MYO5B: variants seen among roughly 807,000 people sequenced by gnomAD.
MYO5B encodes the protein unconventional myosin-Vb.
In MYO5B, 143 loss-of-function variants were observed where a neutral mutation model predicts 229.3. The ratio of observed to expected loss-of-function variants is 0.62; its 90% CI spans 0.54 to 0.72. The LOEUF is 0.72. Ranked by LOEUF, MYO5B falls within the 30% of genes least tolerant of loss-of-function variation. The probability of loss-of-function intolerance (pLI) is 0.00; values close to 1 mark genes in which losing one functional copy is unlikely to be tolerated. For missense variants in MYO5B, 2,321 were observed against 2,331.0 expected, an observed-to-expected ratio of 1.00 and a Z score of 0.09; for synonymous variants, 918 against 885.2, an observed-to-expected ratio of 1.04 and a Z score of -0.66.
At chr18:50,127,429 G>A (rs1340526238) in intron 1 of MYO5B, among the ~76,000 whole-genome samples, 4 of 152,186 alleles carry the variant, frequency 2.6e-5, no homozygotes, top group African/African-American at 7.2e-5. Flanking sequence ...AACAGATGCA[G>A]TGCTCTACAT....
chr18:49,827,342 C>A (rs562703340), intron 39 of MYO5B, among the ~76,000 whole-genome samples: 17 of 152,318 alleles, frequency 1.1e-4, no homozygotes, highest in African/African-American at 3.6e-4. Flanking sequence ...GGCAGTGGGA[C>A]CTTGTCCTCC....
intron 1 of MYO5B, among the ~76,000 whole-genome samples, chr18:50,116,119 C>T (rs1189424377): frequency 1.3e-5 from 2 of 152,182 alleles, no homozygotes; most frequent in Non-Finnish European, 2.9e-5. Context: ...AACTGAAAGT[C>T]TAAGACAGAC....
chr18:49,937,411 C>A lies in MYO5B; in HGVS notation c.1753-14G>T. ...CACTAGTGGGAACTAGAAACAATCA[C>A]AGGAAGAATGATGAAAGTGACATCT... On this transcript the variant is annotated splice_polypyrimidine_tract_variant and intron_variant, in intron 14 of 39. Coordinates refer to ENST00000285039, the MANE Select transcript of MYO5B (RefSeq NM_001080467.3). 1 of 1,613,556 alleles carries A rather than the reference C, an allele frequency of 6.2e-7. No individual in the cohort carries two copies. The highest frequency in any genetic ancestry group is 8.5e-7 in the Non-Finnish European group (1 of 1,179,498).
chr18:50,008,688 G>C (rs1424503813), intron 4 of MYO5B, among the ~76,000 whole-genome samples: 2 of 152,156 alleles, frequency 1.3e-5, no homozygotes, highest in African/African-American at 2.4e-5. Flanking sequence ...AGGAAGAAGG[G>C]GAAGCCTGGC....
At chr18:49,848,456 G>C (rs1030782155) in intron 32 of MYO5B, among the ~76,000 whole-genome samples, 1 of 152,214 alleles carries the variant, frequency 6.6e-6, no homozygotes, top group Admixed American at 6.5e-5. Flanking sequence ...CCCAGGGAAG[G>C]GTGCTCCATG....
At chr18:50,180,905 T>C (rs1478629050) in intron 1 of MYO5B, among the ~76,000 whole-genome samples, 3 of 152,222 alleles carry the variant, frequency 2.0e-5, no homozygotes, top group Non-Finnish European at 4.4e-5. Flanking sequence ...ATCTCATTCA[T>C]CCATTCATCA....
chr18:49,835,482 G>T, intron 38 of MYO5B, 58 bp from the exon 39 acceptor site: 1 of 1,068,296 alleles, frequency 9.4e-7, no homozygotes, highest in Non-Finnish European at 1.5e-6. Flanking sequence ...GACAACTTTT[G>T]AACTTTAAAG....
At chr18:50,166,275 C>A (rs1461833740) in intron 1 of MYO5B, among the ~76,000 whole-genome samples, 2 of 152,176 alleles carry the variant, frequency 1.3e-5, no homozygotes, top group Non-Finnish European at 2.9e-5. Flanking sequence ...CTCATCCTAA[C>A]CTTGTCCCCA....
intron 1 of MYO5B, chr18:50,064,357 G>A (rs1485327121): frequency 6.6e-6 from 1 of 152,164 alleles, no homozygotes; most frequent in Non-Finnish European, 1.5e-5. Flanking sequence ...AGCTAAAAAA[G>A]ATTTCCTCAA....
Position 49,874,563 on chromosome 18 carries a change from A to C in MYO5B, c.3537+1124T>G, listed in dbSNP as rs188908751. Among the ~76,000 whole-genome samples, 180 of 152,374 alleles carry C rather than the reference A, an allele frequency of 1.2e-3. 1 individual carries two copies. Among genetic ancestry groups the C allele is most frequent in the African/African-American group, 4.0e-3 (166 of 41,586 alleles). Reference sequence around the variant, plus strand: ...CCACTTACTGCTCAGGGGGAAAAAAAACAAGAATTTGCCAGCAATATAGAT... The same window carrying C: ...CCACTTACTGCTCAGGGGGAAAAAACACAAGAATTTGCCAGCAATATAGAT... On this transcript the variant is annotated intron_variant, in intron 26 of 39. Coordinates refer to ENST00000285039, the MANE Select transcript of MYO5B (RefSeq NM_001080467.3).
chr18:50,089,862 C>CA (rs1568102390), intron 1 of MYO5B, among the ~76,000 whole-genome samples: 2 of 152,152 alleles, frequency 1.3e-5, no homozygotes, highest in Non-Finnish European at 2.9e-5. Flanking sequence ...CGCATAACCC[C>CA]ACATGTGTAG....
chr18:49,827,774 A>G (rs551620650), intron 39 of MYO5B, among the ~76,000 whole-genome samples: 2 of 152,156 alleles, frequency 1.3e-5, no homozygotes, highest in East Asian at 3.9e-4. Context: ...AAATAATGCC[A>G]GAAACTTCCC....
chr18:50,071,772 G>A (rs1367268887), intron 1 of MYO5B, among the ~76,000 whole-genome samples: 2 of 152,354 alleles, frequency 1.3e-5, no homozygotes, highest in East Asian at 3.9e-4. Context: ...AGCAATGGGT[G>A]TGTTAAATGA....
At chr18:49,962,564 C>T (rs2025571900) in intron 11 of MYO5B, among the ~76,000 whole-genome samples, 158 bp from the exon 12 acceptor site, 1 of 152,188 alleles carries the variant, frequency 6.6e-6, no homozygotes, top group Non-Finnish European at 1.5e-5. Flanking sequence ...AAAAGCAAAG[C>T]ACAGTTAGGC....
chr18:49,893,226 G>A (rs1007873731), intron 22 of MYO5B, among the ~76,000 whole-genome samples: 1 of 152,216 alleles, frequency 6.6e-6, no homozygotes, highest in Admixed American at 6.5e-5. Flanking sequence ...ACCTGATTTT[G>A]TGGATCTGCT....
rs1010146694 is a variant in MYO5B, at chr18:50,018,815, T to C, written c.456-17404A>G. ...AGTGGGCAGCCATTTCAACTACTAC[T>C]CTCAAGCTAAGAAAGGTGGATTTAA... On this transcript the variant is annotated intron_variant, in intron 4 of 39. Coordinates refer to ENST00000285039, the MANE Select transcript of MYO5B (RefSeq NM_001080467.3). Among the ~76,000 whole-genome samples the C allele has an allele frequency of 4.6e-5, 7 of 152,082 alleles. No individual in the cohort carries two copies. The East Asian group carries it at 1.3e-3, about 29-fold the overall frequency.
chr18:49,927,626 C>CA (rs962521308), intron 17 of MYO5B, among the ~76,000 whole-genome samples: 1 of 152,004 alleles, frequency 6.6e-6, no homozygotes, highest in African/African-American at 2.4e-5. Context: ...TTTGACAAAG[C>CA]AAAAACAAAA....
chr18:49,967,649 T>C (rs1057273325), intron 10 of MYO5B, among the ~76,000 whole-genome samples: 36 of 152,170 alleles, frequency 2.4e-4, no homozygotes, highest in African/African-American at 1.7e-4. Context: ...CCATCATGCA[T>C]TGAGGTCAGA....
At chr18:49,907,188 G>C (rs921742143) in intron 18 of MYO5B, among the ~76,000 whole-genome samples, 14 of 152,210 alleles carry the variant, frequency 9.2e-5, no homozygotes, top group African/African-American at 3.1e-4. Context: ...TTGGTGGGAG[G>C]AGCCAATCAC....
Sources: gnomAD v4.1 joint callset for allele counts (sites outside exome capture counted in the v4.1 genomes callset) on GRCh38, gnomAD v4.1.1 for gene constraint, MANE v1.5 for transcripts, NCBI Gene and HGNC (gene_info 2026-07-23, HGNC 2026-07-21) for gene names.